The following FAM234A variants were observed in gnomAD, a reference collection of about 807,000 sequenced individuals.
The protein encoded by FAM234A is protein FAM234A.
Under a neutral mutation model 49.1 loss-of-function variants are expected in FAM234A, and 42 were observed. The ratio of observed to expected loss-of-function variants is 0.86; its 90% CI spans 0.67 to 1.11. FAM234A has a LOEUF of 1.11. Ranked by LOEUF, FAM234A falls within the 50% of genes least tolerant of loss-of-function variation. The probability of loss-of-function intolerance (pLI) is 0.00; values close to 1 mark genes in which losing one functional copy is unlikely to be tolerated. For synonymous variants in FAM234A, 369 were observed against 316.2 expected (o/e 1.17, Z -1.77); for missense variants, 815 against 745.2 (o/e 1.09, Z -1.09).
intron 2 of FAM234A, among the ~76,000 whole-genome samples, chr16:251,972 T>C (rs560647060): frequency 7.3e-4 from 98 of 134,110 alleles, no homozygotes; most frequent in African/African-American, 2.1e-3. Context: ...CACTGCACTC[T>C]AGCCTGGGCG....
intron 4 of FAM234A, 113 bp from the exon 5 acceptor site, chr16:259,856 C>T: frequency 2.1e-6 from 2 of 957,564 alleles, no homozygotes; most frequent in Non-Finnish European, 3.2e-6. Flanking sequence ...GCGGGAGGGG[C>T]TGTGGCCTAG....
At chr16:260,213 C>A in intron 5 of FAM234A, 53 bp downstream of exon 5, 1 of 1,548,236 alleles carries the variant, frequency 6.5e-7, no homozygotes, top group South Asian at 1.1e-5. Flanking sequence ...CCTGAGCCAC[C>A]TCACCCTGAG....
chr16:260,932 A>AGG (rs2051439863), intron 5 of FAM234A: 1 of 318,118 alleles, frequency 3.1e-6, no homozygotes, highest in Non-Finnish European at 6.2e-6. Context: ...GGGCAGATGA[A>AGG]GGGGCCACTC....
chr16:249,390 A>T (rs975763141), intron 1 of FAM234A, among the ~76,000 whole-genome samples, 159 bp from the exon 2 acceptor site: 6 of 152,000 alleles, frequency 3.9e-5, no homozygotes, highest in Non-Finnish European at 8.8e-5. Flanking sequence ...TGGCCAACTT[A>T]GTCCTTCTGG....
intron 1 of FAM234A, among the ~76,000 whole-genome samples, chr16:236,924 T>C (rs1359777345): frequency 6.6e-6 from 1 of 150,458 alleles, no homozygotes; most frequent in Non-Finnish European, 1.5e-5. Flanking sequence ...ATAAAATAAA[T>C]AAATAAATTA....
intron 1 of FAM234A, among the ~76,000 whole-genome samples, chr16:246,641 A>G (rs1286236291): frequency 2.0e-5 from 3 of 150,680 alleles, no homozygotes; most frequent in East Asian, 3.9e-4. Context: ...GGATGGTCTC[A>G]ATCTCCTGAC....
At chr16:235,395 C>A (rs534888631) in intron 1 of FAM234A, among the ~76,000 whole-genome samples, 2 of 152,234 alleles carry the variant, frequency 1.3e-5, no homozygotes, top group East Asian at 3.9e-4. Flanking sequence ...CGAGGTTGCT[C>A]GTCTGTGGGA....
intron 1 of FAM234A, among the ~76,000 whole-genome samples, chr16:243,423 G>A (rs2050687739): frequency 6.6e-6 from 1 of 152,152 alleles, no homozygotes; most frequent in Non-Finnish European, 1.5e-5. Context: ...TCTGACCTGG[G>A]TCCATGGGGA....
chr16:235,338 T>C (rs2050361341), intron 1 of FAM234A, among the ~76,000 whole-genome samples: 1 of 152,090 alleles, frequency 6.6e-6, no homozygotes, highest in Non-Finnish European at 1.5e-5. Context: ...GGACGCTGTC[T>C]GCAAGCTTGT....
At chr16:239,264 C>T (rs1454101538) in intron 1 of FAM234A, among the ~76,000 whole-genome samples, 1 of 139,236 alleles carries the variant, frequency 7.2e-6, no homozygotes, top group Non-Finnish European at 1.5e-5. Context: ...TGCACCACTA[C>T]ATTCCAGCCT....
downstream of FAM234A, chr16:268,863 G>C (rs957836762): frequency 1.3e-6 from 2 of 1,550,410 alleles, no homozygotes; most frequent in Non-Finnish European, 1.7e-6. Context: ...ACGGGTGTGT[G>C]GGAAGCCGCC....
At chr16:263,994 A>C in intron 10 of FAM234A, 22 bp from the exon 11 acceptor site, 2 of 1,602,026 alleles carry the variant, frequency 1.2e-6, no homozygotes, top group Non-Finnish European at 1.7e-6. Flanking sequence ...GTTGGCCCCC[A>C]CAGTGTCCCC....
At chr16:264,363 C>G (rs2051608383) in intron 11 of FAM234A, among the ~76,000 whole-genome samples, 192 bp downstream of exon 11, 1 of 152,204 alleles carries the variant, frequency 6.6e-6, no homozygotes, top group African/African-American at 2.4e-5. Context: ...CGAGAAGGGG[C>G]TGATGGCCTT....
In FAM234A at chr16:264,988, G is replaced by A. The variant is rs748959817; in HGVS notation, c.1625G>A (p.Arg542Gln). ...GACAGTGACCAAGCCATCAGGGACC[G>A]GTTCTCCCGGCTGCGGTACCAGAGT... ...GPDSDQAIRD[R>Q]FSRLRYQSEA Residue 542 changes from arginine to glutamine, a missense_variant, in exon 13 of 13, where the codon CGG (arginine) becomes CAG (glutamine). Transcript: ENST00000399932. The A allele has an allele frequency of 1.9e-6, 3 of 1,611,106 alleles. No homozygotes were observed. The highest frequency in any genetic ancestry group is 1.7e-5 in the Admixed American group (1 of 59,916).
chr16:243,066 A>C (rs903030274), intron 1 of FAM234A, among the ~76,000 whole-genome samples: 5 of 150,358 alleles, frequency 3.3e-5, no homozygotes, highest in African/African-American at 1.2e-4. Flanking sequence ...CTGCAGCCTC[A>C]ACCTCTTGGG....
At chr16:254,177 T>A (rs2051133830) in intron 2 of FAM234A, 1 of 552,704 alleles carries the variant, frequency 1.8e-6, no homozygotes, top group Non-Finnish European at 3.2e-6. Flanking sequence ...AACTCGCCTT[T>A]CCACACTAAT....
intron 3 of FAM234A, among the ~76,000 whole-genome samples, chr16:258,361 C>T (rs369536851): frequency 4.6e-5 from 7 of 152,234 alleles, no homozygotes; most frequent in Non-Finnish European, 5.9e-5. Context: ...TGACTCTTAA[C>T]GAGCATGCTG....
chr16:254,035 C>G (rs916463800), intron 2 of FAM234A: 6 of 268,008 alleles, frequency 2.2e-5, no homozygotes, highest in Non-Finnish European at 3.6e-5. Context: ...CTCAGATATG[C>G]TCAGAGGCTG....
intron 1 of FAM234A, among the ~76,000 whole-genome samples, chr16:243,419 CT>C (rs1239930329): frequency 1.3e-5 from 2 of 152,172 alleles, no homozygotes; most frequent in African/African-American, 4.8e-5. Flanking sequence ...TCTCTCTGAC[CT>C]GGGTCCATGG....
Sources: gnomAD v4.1 joint callset for allele counts (sites outside exome capture counted in the v4.1 genomes callset) on GRCh38, gnomAD v4.1.1 for gene constraint, MANE v1.5 for transcripts, NCBI Gene and HGNC (gene_info 2026-07-23, HGNC 2026-07-21) for gene names.